PRELID2: variants seen among roughly 807,000 people sequenced by gnomAD.
PRELID2 encodes PRELI domain-containing protein 2.
In PRELID2, 25 loss-of-function variants were observed where a neutral mutation model predicts 28.4. That is an observed-to-expected ratio of 0.88 (90% confidence interval 0.64 to 1.23). The LOEUF is 1.23. Ranked by LOEUF, PRELID2 falls within the 50% of genes most tolerant of loss-of-function variation. The pLI is 0.00. For synonymous variants in PRELID2, 76 were observed against 71.6 expected (o/e 1.06, Z -0.31); for missense variants, 201 against 214.4 (o/e 0.94, Z 0.39).
At chr5:145,554,688 A>C (rs1405715806) in intron 1 of PRELID2, among the ~76,000 whole-genome samples, 1 of 152,190 alleles carries the variant, frequency 6.6e-6, no homozygotes, top group Non-Finnish European at 1.5e-5. Context: ...GATCTTTTAT[A>C]ATCAGAAAGC....
the PRELID2 span, among the ~76,000 whole-genome samples, chr5:145,286,268 A>G: frequency 2.0e-5 from 3 of 152,190 alleles, no homozygotes; most frequent in African/African-American, 4.8e-5. Flanking sequence ...ACTGGGGTTC[A>G]AAACTAGGAT....
intron 5 of PRELID2, among the ~76,000 whole-genome samples, chr5:145,774,571 A>G (rs1758297597): frequency 6.6e-6 from 1 of 152,220 alleles, no homozygotes; most frequent in Non-Finnish European, 1.5e-5. Context: ...GGACTCCCGC[A>G]GTGAGGCACC....
At chr5:145,316,164 T>C in the PRELID2 span, among the ~76,000 whole-genome samples, 1 of 152,232 alleles carries the variant, frequency 6.6e-6, no homozygotes, top group African/African-American at 2.4e-5. Context: ...TGTATATTGC[T>C]GTTGGTTTCT....
chr5:145,439,012 C>T, the PRELID2 span, among the ~76,000 whole-genome samples: 678 of 152,236 alleles, frequency 4.5e-3, 3 homozygotes, highest in African/African-American at 0.015. Context: ...TAGCTTATAT[C>T]TCCCACAGCA....
At chr5:145,292,587 T>C in the PRELID2 span, among the ~76,000 whole-genome samples, 1 of 152,164 alleles carries the variant, frequency 6.6e-6, no homozygotes, top group Non-Finnish European at 1.5e-5. Context: ...ATAAACTAAA[T>C]TCAGTGAATA....
At chr5:145,368,302 C>T in the PRELID2 span, among the ~76,000 whole-genome samples, 1 of 151,846 alleles carries the variant, frequency 6.6e-6, no homozygotes, top group Non-Finnish European at 1.5e-5. Flanking sequence ...ACCAATTTTT[C>T]TGGTTGGCTG....
chr5:145,729,326 T>A, intron 1 of PRELID2: 3 of 895,646 alleles, frequency 3.3e-6, no homozygotes. Flanking sequence ...TCCAAATTTC[T>A]TTACATTTAG....
the PRELID2 span, among the ~76,000 whole-genome samples, chr5:145,290,454 C>A: frequency 1.3e-5 from 2 of 152,128 alleles, no homozygotes; most frequent in East Asian, 3.9e-4. Flanking sequence ...TTTGTAGGGA[C>A]GTGGATGAAG....
chr5:145,605,350 T>G (rs1489286124), intron 1 of PRELID2, among the ~76,000 whole-genome samples: 1 of 152,180 alleles, frequency 6.6e-6, no homozygotes, highest in Admixed American at 6.6e-5. Context: ...AATTTTTGTA[T>G]ACGGTGTAAG....
chr5:145,578,114 C>A (rs915041320), intron 1 of PRELID2, among the ~76,000 whole-genome samples: 2 of 152,086 alleles, frequency 1.3e-5, no homozygotes, highest in Non-Finnish European at 2.9e-5. Context: ...GATATCTGGA[C>A]AATTTGACCT....
At chr5:145,470,329 G>A (rs1243441571), downstream of PRELID2, among the ~76,000 whole-genome samples, 1 of 152,118 alleles carries the variant, frequency 6.6e-6, no homozygotes, top group East Asian at 1.9e-4. Context: ...CAGGGCTGTA[G>A]TTTTTCAAAC....
the PRELID2 span, among the ~76,000 whole-genome samples, chr5:145,271,837 C>T: frequency 6.6e-6 from 1 of 152,182 alleles, no homozygotes; most frequent in East Asian, 1.9e-4. Context: ...AATCCCATAA[C>T]TATCTCTCTG....
chr5:145,408,591 T>G, the PRELID2 span, among the ~76,000 whole-genome samples: 3 of 151,062 alleles, frequency 2.0e-5, no homozygotes, highest in South Asian at 6.3e-4. Context: ...ATACAAGGGA[T>G]AGAATAGATC....
chr5:145,328,860 T>C, the PRELID2 span, among the ~76,000 whole-genome samples: 1 of 152,232 alleles, frequency 6.6e-6, no homozygotes, highest in Non-Finnish European at 1.5e-5. Context: ...CATGCCTATG[T>C]CCTGAATGGT....
chr5:145,742,201 T>TAGAA (rs1554088304), intron 1 of PRELID2, among the ~76,000 whole-genome samples: 1 of 135,032 alleles, frequency 7.4e-6, no homozygotes, highest in East Asian at 2.2e-4. Context: ...AATAATAATA[T>TAGAA]ATAAATATAC....
At chr5:145,779,516 A>G (rs1240583006) in intron 5 of PRELID2, among the ~76,000 whole-genome samples, 1 of 62,036 alleles carries the variant, frequency 1.6e-5, no homozygotes, top group East Asian at 9.0e-4. Flanking sequence ...TTATGTAGTT[A>G]CTGTGAAAGG....
chr5:145,722,102 A>G (rs1442629323), intron 1 of PRELID2, among the ~76,000 whole-genome samples: 1 of 152,194 alleles, frequency 6.6e-6, no homozygotes, highest in Non-Finnish European at 1.5e-5. Flanking sequence ...ATAGAAATGT[A>G]TCAAACATTA....
At chr5:145,415,657 C>T in the PRELID2 span, among the ~76,000 whole-genome samples, 3 of 150,940 alleles carry the variant, frequency 2.0e-5, no homozygotes, top group South Asian at 2.1e-4. Flanking sequence ...ATATGTGCCA[C>T]ATTTTCTTAA....
chr5:145,656,957 C>A (rs1000909321), intron 1 of PRELID2, among the ~76,000 whole-genome samples: 1 of 152,014 alleles, frequency 6.6e-6, no homozygotes, highest in Admixed American at 6.6e-5. Flanking sequence ...GTCTCCTTAG[C>A]CTATCTCACA....
Sources: allele counts gnomAD v4.1 joint callset (sites outside exome capture counted in the v4.1 genomes callset), GRCh38; gene constraint gnomAD v4.1.1; transcripts MANE v1.5; gene names NCBI Gene and HGNC (gene_info 2026-07-23, HGNC 2026-07-21).